The following PHF20L1 variants were observed in gnomAD, a reference collection of about 807,000 sequenced individuals.
PHF20L1 encodes PHD finger protein 20 like 1.
A neutral mutation model predicts 125.5 loss-of-function variants in PHF20L1; 44 were observed. That is an observed-to-expected ratio of 0.35 (90% CI 0.28 to 0.45). The LOEUF (loss-of-function observed/expected upper bound fraction) is 0.45. Among genes scored for constraint, PHF20L1 ranks in the 20% least tolerant of loss-of-function variants. PHF20L1 has a pLI of 1.00. For synonymous variants in PHF20L1, 380 were observed against 403.1 expected, an observed-to-expected ratio of 0.94 and a Z score of 0.69; for missense variants, 1,012 against 1,217.2, an observed-to-expected ratio of 0.83 and a Z score of 2.51.
At chr8:132,806,224 ACTGGGATATT>A (rs1833682301) in intron 8 of PHF20L1, among the ~76,000 whole-genome samples, 1 of 151,982 alleles carries the variant, frequency 6.6e-6, no homozygotes, top group Non-Finnish European at 1.5e-5. Context: ...CATATGCCTT[ACTGGGATATT>A]CAAGCTCAAC....
At chr8:132,780,293 G>A (rs1488074209) in intron 2 of PHF20L1, among the ~76,000 whole-genome samples, 10 of 152,020 alleles carry the variant, frequency 6.6e-5, no homozygotes, top group South Asian at 2.1e-4. Flanking sequence ...CAAAAGTTCT[G>A]AGATTAGTGC....
chr8:132,834,305 T>G (rs1837108681), intron 15 of PHF20L1, among the ~76,000 whole-genome samples: 1 of 152,100 alleles, frequency 6.6e-6, no homozygotes, highest in Non-Finnish European at 1.5e-5. Context: ...GATACACTAA[T>G]TCCTTTCAAT....
In PHF20L1 at chr8:132,817,438, C is replaced by T. The variant is rs776023007; in HGVS notation, c.1472C>T (p.Ser491Phe). 8.7e-6 allele frequency: 14 copies of T among 1,612,564 alleles called. No individual in the cohort carries two copies. Among genetic ancestry groups the T allele is most frequent in the Non-Finnish European group, 1.1e-5 (13 of 1,179,118 alleles). ...SEVTAPVASD[S>F]SYRNECPRAE... is the part of the protein sequence containing the mutation. The stretch of plus-strand genomic sequence containing the variant: ...GTTACAGCACCGGTAGCCTCAGATT[C>T]CTCTTACCGTAATGAATGTCCCAGG... The change falls in exon 12 of 21, where the codon TCC (serine) becomes TTC (phenylalanine). Residue 491 changes from serine (S) to phenylalanine (F), a missense_variant. By Grantham distance (155) the Ser-to-Phe change is radical. This residue lies in a region of PHF20L1 where 320 missense variants were observed against 293.8 expected (regional missense o/e 1.09). Coordinates refer to ENST00000395386, the MANE Select transcript of PHF20L1 (RefSeq NM_016018.5).
intron 6 of PHF20L1, among the ~76,000 whole-genome samples, chr8:132,802,737 C>T (rs963427007): frequency 4.6e-5 from 7 of 151,714 alleles, no homozygotes; most frequent in Admixed American, 4.0e-4. Context: ...ATTGTTTTCA[C>T]CATATATTTT....
rs1835083156 is a variant in PHF20L1, at chr8:132,817,201, A to G, written c.1372+125A>G. The G allele has an allele frequency of 3.3e-6, 3 of 898,446 alleles. No homozygotes were observed. The South Asian group carries it at 5.4e-5, about 16-fold the overall frequency. 55.7% of individuals were successfully genotyped at this position (898,446 alleles called of 1,614,324 possible). Reference sequence around the variant, plus strand: ...TATCTTCTGGAGTTATAAGCACTTCACTTATTCTACAAATATTTATTGAGT... The same window carrying G: ...TATCTTCTGGAGTTATAAGCACTTCGCTTATTCTACAAATATTTATTGAGT... On this transcript the variant is annotated intron_variant, in intron 11 of 20. Transcript: ENST00000395386.
chr8:132,803,687 G>A lies in PHF20L1; in HGVS notation c.508-132G>A, dbSNP rs547233884. 3.6e-3 allele frequency: 2,131 copies of A among 595,802 alleles called. 12 individuals carry two copies. Among genetic ancestry groups the A allele is most frequent in the Admixed American group, 5.8e-3 (189 of 32,576 alleles). 36.9% of individuals were successfully genotyped at this position (595,802 alleles called of 1,614,324 possible). Reference sequence around the variant, plus strand: ...CATGTTCAGCTATCATGTAAATATTGTTATCTCTATATTTATGTTTATGTA... The same window carrying A: ...CATGTTCAGCTATCATGTAAATATTATTATCTCTATATTTATGTTTATGTA... On this transcript the variant is annotated intron_variant, in intron 6 of 20. Transcript: ENST00000395386.
intron 4 of PHF20L1, among the ~76,000 whole-genome samples, chr8:132,796,756 C>T (rs886858741): frequency 6.6e-6 from 1 of 151,918 alleles, no homozygotes; most frequent in Non-Finnish European, 1.5e-5. Flanking sequence ...CATTGGCTTC[C>T]GAGTGTCTAG....
At chr8:132,824,086 CAA>C (rs1443527056) in intron 13 of PHF20L1, 26 bp downstream of exon 13, 2 of 1,442,824 alleles carry the variant, frequency 1.4e-6, no homozygotes, top group Non-Finnish European at 1.9e-6. Flanking sequence ...AATCTTTAAG[CAA>C]AAGACTATAA....
At chr8:132,828,046 A>C (rs1242099333) in intron 14 of PHF20L1, among the ~76,000 whole-genome samples, 1 of 152,044 alleles carries the variant, frequency 6.6e-6, no homozygotes, top group African/African-American at 2.4e-5. Context: ...TTTAAGTGGG[A>C]AATACAGGAT....
At chr8:132,828,027 A>G (rs1836378602) in intron 14 of PHF20L1, among the ~76,000 whole-genome samples, 1 of 152,074 alleles carries the variant, frequency 6.6e-6, no homozygotes, top group Non-Finnish European at 1.5e-5. Flanking sequence ...TTAAATTAGA[A>G]GAGTGGTCTT....
At chr8:132,845,479 G>A (rs1222540691) in intron 20 of PHF20L1, among the ~76,000 whole-genome samples, 1 of 151,954 alleles carries the variant, frequency 6.6e-6, no homozygotes, top group East Asian at 1.9e-4. Context: ...GTTAGTGTGT[G>A]TATATGTTTA....
At position 132,842,725 on chromosome 8, in the gene PHF20L1, A is replaced by G. The variant is rs16904753; in HGVS notation, c.2598A>G (p.Pro866=). The change falls in exon 19 of 21, where the codon CCA becomes CCG. Residue 866 remains proline, a synonymous_variant. Coordinates refer to ENST00000395386, the MANE Select transcript of PHF20L1 (RefSeq NM_016018.5). ...YITSEHSYQK[P]QSFGQDCKSL... is the part of the protein sequence containing the mutation. ...CAAGTGAGCATAGCTATCAAAAGCCACAAAGTTTTGGTCAGGACTGTAAAT... is the reference window on the plus strand; with the variant it reads ...CAAGTGAGCATAGCTATCAAAAGCCGCAAAGTTTTGGTCAGGACTGTAAAT... The G allele has an allele frequency of 6.0e-3, 9,608 of 1,613,428 alleles. 242 individuals carry two copies. In the East Asian group the frequency reaches 0.081, roughly 14 times the overall value.
chr8:132,786,117 A>G (rs1365719534), intron 2 of PHF20L1, among the ~76,000 whole-genome samples: 2 of 152,162 alleles, frequency 1.3e-5, no homozygotes, highest in Admixed American at 1.3e-4. Flanking sequence ...AGATTAGCAA[A>G]TGTAATTTAT....
chr8:132,811,343 G>A, intron 9 of PHF20L1: 1 of 1,245,810 alleles, frequency 8.0e-7, no homozygotes, highest in East Asian at 3.5e-5. Flanking sequence ...TAAAGCCTTT[G>A]TCTCCAAAAT....
At chr8:132,805,689 C>T (rs1354853518) in intron 8 of PHF20L1, among the ~76,000 whole-genome samples, 2 of 151,852 alleles carry the variant, frequency 1.3e-5, no homozygotes, top group Non-Finnish European at 2.9e-5. Context: ...ACATTTTGAC[C>T]ATTTTCTGAA....
At chr8:132,795,554 T>A (rs1832288177) in intron 4 of PHF20L1, among the ~76,000 whole-genome samples, 1 of 152,114 alleles carries the variant, frequency 6.6e-6, no homozygotes, top group Admixed American at 6.6e-5. Flanking sequence ...CTGAATATTT[T>A]ATTCAAATTT....
chr8:132,822,007 CTT>C (rs996893544), intron 12 of PHF20L1, among the ~76,000 whole-genome samples: 20 of 151,844 alleles, frequency 1.3e-4, no homozygotes, highest in African/African-American at 4.8e-4. Flanking sequence ...GGAATGGTCT[CTT>C]TTGTTTTCCT....
chr8:132,778,807 C>A (rs934228293), intron 2 of PHF20L1, among the ~76,000 whole-genome samples: 1 of 152,142 alleles, frequency 6.6e-6, no homozygotes. Flanking sequence ...AGAGGGGTTC[C>A]GCTTCTGGGA....
chr8:132,831,590 A>G (rs900890113), intron 14 of PHF20L1, among the ~76,000 whole-genome samples: 30 of 152,062 alleles, frequency 2.0e-4, no homozygotes, highest in African/African-American at 6.0e-4. Flanking sequence ...GAACCTCTTT[A>G]CGAATTGTGG....
Sources: gnomAD v4.1 joint callset for allele counts (sites outside exome capture counted in the v4.1 genomes callset) on GRCh38, gnomAD v4.1.1 for gene constraint, gnomAD v4.1.1 regional missense constraint, MANE v1.5 for transcripts, NCBI Gene and HGNC (gene_info 2026-07-23, HGNC 2026-07-21) for gene names.